The following EPHA6 variants were observed in gnomAD, a reference collection of about 807,000 sequenced individuals.
The protein encoded by EPHA6 is ephrin type-A receptor 6.
Under a neutral mutation model 112.0 loss-of-function variants are expected in EPHA6, and 50 were observed. That is an observed-to-expected ratio of 0.45 (90% CI 0.36 to 0.56). The LOEUF (loss-of-function observed/expected upper bound fraction) is 0.56, where lower values mean the gene tolerates loss of function less well. Ranked by LOEUF, EPHA6 falls within the 20% of genes least tolerant of loss-of-function variation. EPHA6 has a pLI of 0.00. For missense variants in EPHA6, 1,280 were observed against 1,417.4 expected, an observed-to-expected ratio of 0.90 and a Z score of 1.56; for synonymous variants, 529 against 490.7, an observed-to-expected ratio of 1.08 and a Z score of -1.03.
At chr3:97,180,415 G>A (rs893869862) in intron 3 of EPHA6, among the ~76,000 whole-genome samples, 2 of 152,098 alleles carry the variant, frequency 1.3e-5, no homozygotes, top group African/African-American at 2.4e-5. Flanking sequence ...ACAAGGCAAA[G>A]ACCCCTTTAC....
chr3:97,201,984 A>G (rs1265645226), intron 3 of EPHA6, among the ~76,000 whole-genome samples: 1 of 152,144 alleles, frequency 6.6e-6, no homozygotes, highest in Admixed American at 6.6e-5. Context: ...TAATGGGCAC[A>G]TACATAACCA....
chr3:97,388,263 G>A (rs2086188062), intron 5 of EPHA6, among the ~76,000 whole-genome samples: 1 of 152,094 alleles, frequency 6.6e-6, no homozygotes, highest in South Asian at 2.1e-4. Flanking sequence ...TATGCCACTA[G>A]CATTGAAACC....
At chr3:97,648,419 T>C (rs2094083624) in intron 14 of EPHA6, 2 of 1,494,226 alleles carry the variant, frequency 1.3e-6, no homozygotes, top group Non-Finnish European at 1.8e-6. Context: ...TGAAGCAGCA[T>C]GAGGGGAAGG....
chr3:97,644,582 A>G (rs974688241), intron 14 of EPHA6, among the ~76,000 whole-genome samples: 2 of 152,116 alleles, frequency 1.3e-5, no homozygotes, highest in African/African-American at 4.8e-5. Flanking sequence ...TCAAATAGAC[A>G]CAATAAAAAA....
chr3:97,401,120 A>G (rs1427076380), intron 5 of EPHA6, among the ~76,000 whole-genome samples: 1 of 151,804 alleles, frequency 6.6e-6, no homozygotes, highest in Non-Finnish European at 1.5e-5. Flanking sequence ...GAAAGTCTAT[A>G]TAATGAAGAG....
chr3:97,564,778 A>AG (rs1366740393), intron 11 of EPHA6, among the ~76,000 whole-genome samples: 2 of 152,168 alleles, frequency 1.3e-5, no homozygotes, highest in Non-Finnish European at 2.9e-5. Context: ...CTCTGAGGCT[A>AG]ATGTTAAATT....
chr3:97,366,777 A>G (rs1266508121), intron 5 of EPHA6, among the ~76,000 whole-genome samples: 3 of 152,214 alleles, frequency 2.0e-5, no homozygotes, highest in Non-Finnish European at 4.4e-5. Flanking sequence ...AAAACCTTGG[A>G]TTGTAAGTCC....
intron 3 of EPHA6, among the ~76,000 whole-genome samples, chr3:97,159,068 C>T (rs2076354570): frequency 6.6e-6 from 1 of 152,132 alleles, no homozygotes; most frequent in Non-Finnish European, 1.5e-5. Flanking sequence ...ATGATACACA[C>T]CTTCATTCAT....
intron 3 of EPHA6, among the ~76,000 whole-genome samples, chr3:97,210,155 T>A (rs2108511949): frequency 6.6e-6 from 1 of 152,286 alleles, no homozygotes; most frequent in Admixed American, 6.5e-5. Flanking sequence ...TTATATTAGT[T>A]CGTTCTTACA....
At chr3:97,011,209 G>A (rs2044073658) in intron 3 of EPHA6, among the ~76,000 whole-genome samples, 1 of 152,198 alleles carries the variant, frequency 6.6e-6, no homozygotes, top group Admixed American at 6.5e-5. Context: ...TTTTAAGGGG[G>A]AAGGTTGCAT....
At chr3:97,084,078 G>A (rs2046810304) in intron 3 of EPHA6, among the ~76,000 whole-genome samples, 1 of 116,034 alleles carries the variant, frequency 8.6e-6, no homozygotes, top group African/African-American at 4.1e-5. Flanking sequence ...GTGTGTGTGT[G>A]TGTGTGTGTG....
intron 12 of EPHA6, among the ~76,000 whole-genome samples, chr3:97,607,924 T>C (rs938787727): frequency 1.1e-4 from 17 of 151,210 alleles, no homozygotes; most frequent in African/African-American, 3.6e-4. Flanking sequence ...CTAAAACAGA[T>C]TTAAAGATTA....
At chr3:97,648,713 G>T in intron 14 of EPHA6, 1 of 896,884 alleles carries the variant, frequency 1.1e-6, no homozygotes, top group Non-Finnish European at 1.4e-6. Flanking sequence ...TAAAAAGTTT[G>T]CAGCGAGAAA....
chr3:97,416,741 A>G (rs888504348), intron 6 of EPHA6, among the ~76,000 whole-genome samples: 8 of 152,164 alleles, frequency 5.3e-5, no homozygotes, highest in Non-Finnish European at 1.0e-4. Flanking sequence ...AAACAGTATC[A>G]TATTTGTTTA....
intron 14 of EPHA6, among the ~76,000 whole-genome samples, chr3:97,717,388 C>T (rs754774676): frequency 1.8e-4 from 27 of 152,086 alleles, no homozygotes; most frequent in Non-Finnish European, 2.9e-4. Flanking sequence ...AACAAAACAC[C>T]ACAGACTGGG....
chr3:97,242,448 G>A (rs1280505003), intron 4 of EPHA6, among the ~76,000 whole-genome samples: 2 of 151,768 alleles, frequency 1.3e-5, no homozygotes, highest in East Asian at 3.9e-4. Context: ...TAAAACAGGG[G>A]TCCACCTGAT....
Position 97,447,859 on chromosome 3 carries a change from T to G in EPHA6, c.1732-709T>G, listed in dbSNP as rs1481295714. Reference sequence around the variant, plus strand: ...GTAAGTCTTTCATGCCTTTCTGTGTTTCCAGTGCTTCTTCATGGGCAGATT... The same window carrying G: ...GTAAGTCTTTCATGCCTTTCTGTGTGTCCAGTGCTTCTTCATGGGCAGATT... On this transcript the variant is annotated intron_variant, in intron 6 of 17. Transcript: ENST00000389672. 4.7e-6 allele frequency: 4 copies of G among 859,752 alleles called. No individual in the cohort carries two copies. The East Asian group carries it at 2.2e-4, about 46-fold the overall frequency. 53.3% of individuals were successfully genotyped at this position (859,752 alleles called of 1,614,324 possible).
intron 5 of EPHA6, among the ~76,000 whole-genome samples, chr3:97,350,799 T>C (rs1039853718): frequency 6.6e-6 from 1 of 151,922 alleles, no homozygotes; most frequent in Non-Finnish European, 1.5e-5. Flanking sequence ...TACTCCTGCA[T>C]TGTTTCTACA....
intron 2 of EPHA6, among the ~76,000 whole-genome samples, chr3:96,919,593 G>T (rs2039657685): frequency 1.3e-5 from 2 of 151,682 alleles, no homozygotes; most frequent in African/African-American, 4.8e-5. Context: ...TAAGTCTATT[G>T]AGGCAGGGGT....
Sources: allele counts gnomAD v4.1 joint callset (sites outside exome capture counted in the v4.1 genomes callset), GRCh38; gene constraint gnomAD v4.1.1; transcripts MANE v1.5; gene names NCBI Gene and HGNC (gene_info 2026-07-23, HGNC 2026-07-21).